Variants in KIF5C observed in about 807,000 individuals in gnomAD.
KIF5C encodes kinesin family member 5C.
In KIF5C, 18 loss-of-function variants were observed where a neutral mutation model predicts 125.2. The observed-to-expected ratio is 0.14, with a 90% CI of 0.10 to 0.21. The LOEUF is 0.21. Among genes scored for constraint, KIF5C ranks in the 10% least tolerant of loss-of-function variants. The pLI is 1.00. For missense variants in KIF5C, 780 were observed against 1,183.8 expected (o/e 0.66, Z 5.01); for synonymous variants, 405 against 434.0 (o/e 0.93, Z 0.83).
intron 21 of KIF5C, among the ~76,000 whole-genome samples, chr2:149,001,394 C>T (rs150033964): frequency 4.5e-4 from 69 of 152,174 alleles, no homozygotes; most frequent in African/African-American, 1.4e-3. Flanking sequence ...GAGATAAGCC[C>T]GGGACTGTCC....
intron 1 of KIF5C, among the ~76,000 whole-genome samples, chr2:148,908,380 G>A (rs1681198059): frequency 6.6e-6 from 1 of 152,158 alleles, no homozygotes; most frequent in Non-Finnish European, 1.5e-5. Flanking sequence ...AAAATATCCT[G>A]AATATGCTTT....
intron 11 of KIF5C, among the ~76,000 whole-genome samples, chr2:148,967,367 A>T (rs1434336661): frequency 6.6e-6 from 1 of 152,236 alleles, no homozygotes; most frequent in African/African-American, 2.4e-5. Context: ...CTTCAGGGAT[A>T]CAGGCAGCAG....
intron 3 of KIF5C, among the ~76,000 whole-genome samples, chr2:148,930,104 T>C (rs1304470510): frequency 2.6e-5 from 4 of 152,232 alleles, no homozygotes; most frequent in Non-Finnish European, 5.9e-5. Flanking sequence ...TACATGGGGC[T>C]GGACTCTCCA....
chr2:148,942,056 C>T (rs575753436), intron 6 of KIF5C, 66 bp downstream of exon 6: 24 of 1,557,128 alleles, frequency 1.5e-5, no homozygotes, highest in Non-Finnish European at 2.0e-5. Context: ...ATAATTATTA[C>T]ATAAGATGTG....
chr2:149,004,850 G>A (rs927441431), intron 21 of KIF5C, among the ~76,000 whole-genome samples: 1 of 152,148 alleles, frequency 6.6e-6, no homozygotes, highest in African/African-American at 2.4e-5. Context: ...CTTGCCCAGG[G>A]CCACCCAGGA....
chr2:148,950,045 C>T, intron 9 of KIF5C, 102 bp downstream of exon 9: 1 of 1,470,904 alleles, frequency 6.8e-7, no homozygotes, highest in Non-Finnish European at 9.0e-7. Flanking sequence ...GTTTGTTTTT[C>T]TGTTTGGAAG....
At chr2:148,942,326 T>G (rs1321648180) in intron 6 of KIF5C, among the ~76,000 whole-genome samples, 1 of 152,208 alleles carries the variant, frequency 6.6e-6, no homozygotes, top group East Asian at 1.9e-4. Context: ...TAAATAAAGA[T>G]AGAAGGCAAA....
intron 16 of KIF5C, among the ~76,000 whole-genome samples, chr2:148,993,161 A>G (rs572143887): frequency 6.6e-6 from 1 of 152,346 alleles, no homozygotes; most frequent in East Asian, 1.9e-4. Flanking sequence ...TATAGGGGAC[A>G]TAGGTTCAGA....
At chr2:148,943,410 T>C (rs890506802) in intron 7 of KIF5C, among the ~76,000 whole-genome samples, 3 of 152,118 alleles carry the variant, frequency 2.0e-5, no homozygotes, top group Non-Finnish European at 4.4e-5. Context: ...GTTGTCTATC[T>C]TATTAAGAGG....
At chr2:148,961,947 G>A (rs756869628) in intron 10 of KIF5C, 24 bp from the exon 11 acceptor site, 26 of 1,601,910 alleles carry the variant, frequency 1.6e-5, no homozygotes, top group Non-Finnish European at 5.1e-6. Flanking sequence ...TAGCTGAATT[G>A]TCCCCTTATG....
chr2:148,961,298 G>C (rs73965223), intron 10 of KIF5C, among the ~76,000 whole-genome samples: 17,086 of 152,014 alleles, frequency 0.11, 1,304 homozygotes, highest in African/African-American at 0.21. Context: ...GGCTGTGATG[G>C]GGGGGGCGGG....
chr2:148,918,034 G>A (rs1387014277), intron 1 of KIF5C, among the ~76,000 whole-genome samples: 1 of 152,082 alleles, frequency 6.6e-6, no homozygotes, highest in African/African-American at 2.4e-5. Context: ...TTGGGTAATG[G>A]GTCAAATGTA....
intron 11 of KIF5C, among the ~76,000 whole-genome samples, chr2:148,972,799 C>T (rs1322321028): frequency 6.6e-6 from 1 of 152,154 alleles, no homozygotes; most frequent in African/African-American, 2.4e-5. Context: ...GTCTTGGATC[C>T]AGGGCTACCC....
chr2:148,942,470 G>T (rs776151705), intron 6 of KIF5C, among the ~76,000 whole-genome samples: 1 of 152,024 alleles, frequency 6.6e-6, no homozygotes, highest in Non-Finnish European at 1.5e-5. Flanking sequence ...TTTGGTTTAC[G>T]TCTATATTTC....
chr2:148,900,990 A>G (rs1382873188), intron 1 of KIF5C, among the ~76,000 whole-genome samples: 1 of 152,120 alleles, frequency 6.6e-6, no homozygotes, highest in African/African-American at 2.4e-5. Flanking sequence ...AAAAAACCCC[A>G]ACAAACCCAC....
chr2:148,961,875 T>C (rs575028631), intron 10 of KIF5C, 96 bp from the exon 11 acceptor site: 1 of 1,490,854 alleles, frequency 6.7e-7, no homozygotes. Context: ...CTTCCCTATT[T>C]CCAGTCTTTT....
At chr2:149,016,972 G>T (rs983366417) in intron 25 of KIF5C, among the ~76,000 whole-genome samples, 11 of 152,178 alleles carry the variant, frequency 7.2e-5, no homozygotes, top group Admixed American at 6.5e-5. Flanking sequence ...TGAAGACCTT[G>T]ACCCTAGAAG....
At chr2:148,994,804 C>T (rs987308247) in intron 17 of KIF5C, among the ~76,000 whole-genome samples, 1 of 151,846 alleles carries the variant, frequency 6.6e-6, no homozygotes, top group Admixed American at 6.6e-5. Context: ...CCGGTTCCAG[C>T]GATTCTCCTG....
At chr2:149,003,336 C>T (rs1681912964) in intron 21 of KIF5C, among the ~76,000 whole-genome samples, 1 of 152,222 alleles carries the variant, frequency 6.6e-6, no homozygotes, top group Admixed American at 6.5e-5. Context: ...GGTGAATGCC[C>T]GGGAAGCCCG....
Sources: allele counts gnomAD v4.1 joint callset (sites outside exome capture counted in the v4.1 genomes callset), GRCh38; gene constraint gnomAD v4.1.1; transcripts MANE v1.5; gene names NCBI Gene and HGNC (gene_info 2026-07-23, HGNC 2026-07-21).